ADAMTS17: variants seen among roughly 807,000 people sequenced by gnomAD.
ADAMTS17 encodes ADAM metallopeptidase with thrombospondin type 1 motif 17.
ADAMTS17 carries 113 observed loss-of-function variants against 141.5 expected under a neutral mutation model. The ratio of observed to expected loss-of-function variants is 0.80; its 90% CI spans 0.69 to 0.93. The LOEUF is 0.93. Ranked by LOEUF, ADAMTS17 falls within the 40% of genes least tolerant of loss-of-function variation. ADAMTS17 has a pLI of 0.00. For missense variants in ADAMTS17, 1,659 were observed against 1,517.9 expected (o/e 1.09, Z -1.54); for synonymous variants, 768 against 630.6 (o/e 1.22, Z -3.27).
chr15:100,018,943 T>C (rs144810581), intron 18 of ADAMTS17, among the ~76,000 whole-genome samples: 1 of 152,236 alleles, frequency 6.6e-6, no homozygotes, highest in Non-Finnish European at 1.5e-5. Context: ...AAGCTCAAGT[T>C]ATGTATAACC....
At chr15:100,068,505 T>C (rs796075440) in intron 15 of ADAMTS17, among the ~76,000 whole-genome samples, 51 of 152,264 alleles carry the variant, frequency 3.3e-4, no homozygotes, top group African/African-American at 1.2e-3. Context: ...CACCCCCCAG[T>C]AGGGGCAGAC....
At chr15:100,030,740 G>T (rs1257633041) in intron 18 of ADAMTS17, among the ~76,000 whole-genome samples, 1 of 152,188 alleles carries the variant, frequency 6.6e-6, no homozygotes, top group African/African-American at 2.4e-5. Context: ...TAAATTATAT[G>T]ATCTTGTTCT....
At chr15:100,294,855 G>A (rs144510950) in intron 3 of ADAMTS17, among the ~76,000 whole-genome samples, 6 of 152,296 alleles carry the variant, frequency 3.9e-5, no homozygotes, top group East Asian at 1.9e-4. Context: ...AAACGTTAGC[G>A]ACATTTTACA....
chr15:100,053,752 T>C, intron 16 of ADAMTS17, 145 bp downstream of exon 16: 1 of 1,181,354 alleles, frequency 8.5e-7, no homozygotes. Flanking sequence ...GGGAGAGGAC[T>C]GAGCAGCAGG....
chr15:100,335,982 A>G (rs1014928182), intron 2 of ADAMTS17, among the ~76,000 whole-genome samples: 1 of 152,228 alleles, frequency 6.6e-6, no homozygotes, highest in African/African-American at 2.4e-5. Context: ...TGCAAAAAAC[A>G]TCTTCCCCAT....
chr15:100,318,794 T>C (rs1392800275), intron 3 of ADAMTS17, among the ~76,000 whole-genome samples: 1 of 152,206 alleles, frequency 6.6e-6, no homozygotes, highest in Non-Finnish European at 1.5e-5. Flanking sequence ...GGCTCAAATA[T>C]TGGCCTACTG....
At chr15:100,138,790 C>T (rs1224430413) in intron 10 of ADAMTS17, among the ~76,000 whole-genome samples, 1 of 152,150 alleles carries the variant, frequency 6.6e-6, no homozygotes, top group Non-Finnish European at 1.5e-5. Flanking sequence ...GGGCGGGAGG[C>T]AGTGTTCTAC....
intron 18 of ADAMTS17, among the ~76,000 whole-genome samples, chr15:100,016,518 T>C (rs1449457485): frequency 6.6e-6 from 1 of 152,248 alleles, no homozygotes; most frequent in Non-Finnish European, 1.5e-5. Context: ...GGTCTAGGGC[T>C]GAAGGCTGTT....
intron 2 of ADAMTS17, among the ~76,000 whole-genome samples, chr15:100,331,874 T>G (rs530135127): frequency 3.9e-5 from 6 of 152,046 alleles, no homozygotes; most frequent in Non-Finnish European, 8.8e-5. Flanking sequence ...CTAAGAAGTT[T>G]CCATGTAATA....
intron 7 of ADAMTS17, among the ~76,000 whole-genome samples, chr15:100,235,488 A>G (rs2042627950): frequency 6.6e-6 from 1 of 152,104 alleles, no homozygotes; most frequent in South Asian, 2.1e-4. Flanking sequence ...ACCAAGACTC[A>G]GATCAGTGGT....
At chr15:100,002,952 C>T (rs907271813) in intron 18 of ADAMTS17, among the ~76,000 whole-genome samples, 33 of 152,202 alleles carry the variant, frequency 2.2e-4, no homozygotes, top group South Asian at 6.2e-4. Context: ...GTGCAGCCCA[C>T]GGGTGCCGCC....
chr15:100,222,061 TA>T (rs376954013), intron 7 of ADAMTS17, among the ~76,000 whole-genome samples: 1 of 152,204 alleles, frequency 6.6e-6, no homozygotes, highest in Admixed American at 6.5e-5. Flanking sequence ...GCCTTAGCCT[TA>T]AGAGTGCTTT....
chr15:100,194,842 T>C (rs1254170405), intron 8 of ADAMTS17, among the ~76,000 whole-genome samples: 3 of 152,196 alleles, frequency 2.0e-5, no homozygotes, highest in Admixed American at 1.3e-4. Context: ...CCATGGTTCC[T>C]GTCTTAGCAA....
chr15:100,274,354 C>T (rs1210783939), intron 4 of ADAMTS17, among the ~76,000 whole-genome samples: 1 of 152,160 alleles, frequency 6.6e-6, no homozygotes, highest in Non-Finnish European at 1.5e-5. Flanking sequence ...GATCTGTTAT[C>T]AGATGTGTAA....
intron 18 of ADAMTS17, among the ~76,000 whole-genome samples, chr15:100,013,264 T>C (rs1423883273): frequency 6.6e-6 from 1 of 152,216 alleles, no homozygotes; most frequent in Non-Finnish European, 1.5e-5. Context: ...AATTCTTTGA[T>C]CAGTTCTAGG....
intron 7 of ADAMTS17, 72 bp downstream of exon 7, chr15:100,254,064 G>A (rs923669012): frequency 2.0e-6 from 3 of 1,468,166 alleles, no homozygotes; most frequent in Admixed American, 3.3e-5. Flanking sequence ...CTCCTCCACT[G>A]TGACCAGGAA....
At chr15:100,171,774 AGG>A (rs1310836830) in intron 8 of ADAMTS17, among the ~76,000 whole-genome samples, 3 of 152,140 alleles carry the variant, frequency 2.0e-5, no homozygotes, top group African/African-American at 7.2e-5. Flanking sequence ...ACCACATGGA[AGG>A]GGCTGGTAAA....
At chr15:100,299,416 C>G (rs1193525655) in intron 3 of ADAMTS17, among the ~76,000 whole-genome samples, 2 of 151,238 alleles carry the variant, frequency 1.3e-5, no homozygotes, top group Non-Finnish European at 2.9e-5. Context: ...TTAGAATTAT[C>G]ATGATTCTCA....
Position 100,193,001 on chromosome 15 carries a change from C to T in ADAMTS17, c.1181+6317G>A, listed in dbSNP as rs138096683. ...TGCCTAGTCAATGTGGCATCCTTCCCGACGTCCACTGTCCCAAACTCACCT... is the reference window on the plus strand; with the variant it reads ...TGCCTAGTCAATGTGGCATCCTTCCTGACGTCCACTGTCCCAAACTCACCT... On this transcript the variant is annotated intron_variant, in intron 8 of 21. Transcript: ENST00000268070. 1.6e-3 allele frequency among the ~76,000 whole-genome samples: 245 copies of T among 152,352 alleles called. 1 individual carries two copies. Among genetic ancestry groups the T allele is most frequent in the Non-Finnish European group, 2.2e-3 (152 of 68,038 alleles).
Sources: gnomAD v4.1 joint callset for allele counts (sites outside exome capture counted in the v4.1 genomes callset) on GRCh38, gnomAD v4.1.1 for gene constraint, MANE v1.5 for transcripts, NCBI Gene and HGNC (gene_info 2026-07-23, HGNC 2026-07-21) for gene names.